UNC13A: variants seen among roughly 807,000 people sequenced by gnomAD.
UNC13A encodes the protein unc-13 homolog A.
Under a neutral mutation model 219.7 loss-of-function variants are expected in UNC13A, and 61 were observed. The ratio of observed to expected loss-of-function variants is 0.28; its 90% CI spans 0.23 to 0.34. The LOEUF is 0.34. Among genes scored for constraint, UNC13A ranks in the 10% least tolerant of loss-of-function variants. The pLI is 1.00. For missense variants in UNC13A, 1,476 were observed against 2,270.3 expected, an observed-to-expected ratio of 0.65 and a Z score of 7.11; for synonymous variants, 920 against 884.6, an observed-to-expected ratio of 1.04 and a Z score of -0.71.
intron 16 of UNC13A, among the ~76,000 whole-genome samples, chr19:17,647,923 AC>A (rs909944051): frequency 1.5e-4 from 16 of 108,362 alleles, no homozygotes; most frequent in African/African-American, 5.5e-4. Flanking sequence ...TCTGATCTCC[AC>A]CCCTGCGAGT....
intron 38 of UNC13A, 185 bp from the exon 39 acceptor site, chr19:17,619,147 CG>C (rs2076699844): frequency 6.5e-6 from 4 of 612,270 alleles, no homozygotes; most frequent in Non-Finnish European, 1.2e-5. Context: ...CTGAAAATCC[CG>C]GTCCTGTGAG....
intron 4 of UNC13A, 72 bp downstream of exon 4, chr19:17,672,306 G>T: frequency 8.2e-7 from 1 of 1,225,938 alleles, no homozygotes; most frequent in East Asian, 2.4e-5. Flanking sequence ...TGCCCATCTT[G>T]TTTAGTCCAC....
chr19:17,668,049 A>G, intron 6 of UNC13A, 68 bp downstream of exon 6: 2 of 1,512,760 alleles, frequency 1.3e-6, no homozygotes, highest in East Asian at 2.3e-5. Context: ...AGCATCTGTA[A>G]GTGAAAATCA....
intron 42 of UNC13A, 107 bp downstream of exon 42, chr19:17,611,656 C>T: frequency 9.6e-7 from 1 of 1,037,820 alleles, no homozygotes; most frequent in South Asian, 1.6e-5. Context: ...GTTTCCGTTT[C>T]ATGGACCATT....
At chr19:17,617,943 C>T (rs1032544902) in intron 40 of UNC13A, 94 bp from the exon 41 acceptor site, 1 of 1,484,462 alleles carries the variant, frequency 6.7e-7, no homozygotes, top group Non-Finnish European at 9.1e-7. Context: ...CCCAATTCTT[C>T]CCGCTACTAC....
At chr19:17,609,278 C>T (rs1021373971) in intron 43 of UNC13A, among the ~76,000 whole-genome samples, 4 of 152,030 alleles carry the variant, frequency 2.6e-5, no homozygotes, top group Admixed American at 6.6e-5. Flanking sequence ...CCAGAGCAGA[C>T]TTTTTTATGC....
Position 17,658,284 on chromosome 19 carries a change from C to T in UNC13A, c.560-15G>A, listed in dbSNP as rs767557834. 2 of 1,604,230 alleles carry T rather than the reference C, an allele frequency of 1.2e-6. No individual in the cohort carries two copies. Among genetic ancestry groups the T allele is most frequent in the Non-Finnish European group, 1.7e-6 (2 of 1,175,072 alleles). On this transcript the variant is annotated splice_polypyrimidine_tract_variant and intron_variant, in intron 8 of 43. Coordinates refer to ENST00000519716, the MANE Select transcript of UNC13A (RefSeq NM_001080421.3). ...GGGGTCATCGTCTGGAAGAGAGAGG[C>T]GGTATGGGAAGAGGGTGAGGAAGAG...
chr19:17,640,644 G>T lies in UNC13A; in HGVS notation c.2654C>A (p.Ser885Tyr), dbSNP rs2076958697. The change falls in exon 22 of 44, where the codon TCC becomes TAC. Residue 885 changes from serine (S) to tyrosine (Y), a missense_variant. Around this residue, in one of 14 missense-constraint regions of UNC13A, gnomAD observed 140 missense variants for 270.9 expected, o/e 0.52. Coordinates refer to ENST00000519716, the MANE Select transcript of UNC13A (RefSeq NM_001080421.3). Reference sequence around the variant, plus strand: ...CACCCCTGGGCACATATACTTGGAGGAGAGGCAGGCAAAGTGGCTGGAGAG... The same window carrying T: ...CACCCCTGGGCACATATACTTGGAGTAGAGGCAGGCAAAGTGGCTGGAGAG... ...YQAMTHFACL[S>Y]SKYMCPGVPA... The T allele has an allele frequency of 6.3e-7, 1 of 1,591,500 alleles. No homozygotes were observed. The highest frequency in any genetic ancestry group is 2.3e-5 in the East Asian group (1 of 44,060).
At chr19:17,655,196 G>T in intron 11 of UNC13A, 78 bp downstream of exon 11, 1 of 1,252,566 alleles carries the variant, frequency 8.0e-7, no homozygotes. Context: ...GTGTGGGTGT[G>T]GCCAAAACAT....
intron 1 of UNC13A, among the ~76,000 whole-genome samples, chr19:17,677,684 T>C (rs1280033428): frequency 2.0e-5 from 3 of 152,110 alleles, no homozygotes; most frequent in Non-Finnish European, 4.4e-5. Context: ...TTCCTCCCTC[T>C]TTTCTTCTCC....
At chr19:17,613,227 G>A (rs766321717) in intron 41 of UNC13A, among the ~76,000 whole-genome samples, 1 of 151,336 alleles carries the variant, frequency 6.6e-6, no homozygotes, top group Admixed American at 6.6e-5. Context: ...GAGAGACCCT[G>A]TCTCAAAAAA....
intron 1 of UNC13A, among the ~76,000 whole-genome samples, chr19:17,676,641 A>G (rs1023906432): frequency 6.6e-6 from 1 of 152,180 alleles, no homozygotes; most frequent in Admixed American, 6.5e-5. Flanking sequence ...TGCAATGTCA[A>G]ATGCTCCCAG....
intron 41 of UNC13A, 91 bp downstream of exon 41, chr19:17,617,611 A>T (rs2076680650): frequency 1.3e-6 from 2 of 1,548,940 alleles, no homozygotes; most frequent in Non-Finnish European, 8.8e-7. Context: ...CCATGACGTC[A>T]CAGGGGAGTG....
Position 17,651,619 on chromosome 19 carries a change from C to A in UNC13A, c.1439+1012G>T, listed in dbSNP as rs75526256. On this transcript the variant is annotated intron_variant, in intron 12 of 43. Coordinates refer to ENST00000519716, the MANE Select transcript of UNC13A (RefSeq NM_001080421.3). The stretch of plus-strand genomic sequence containing the variant: ...GCTATTCAACCTACAAAGCTTTCTG[C>A]AGGAGCCAACTGAGGCTTAGAGACT... 3.2e-3 allele frequency among the ~76,000 whole-genome samples: 493 copies of A among 152,312 alleles called. 1 individual carries two copies. Among genetic ancestry groups the A allele is most frequent in the African/African-American group, 0.012 (479 of 41,566 alleles).
rs981906424 is a variant in UNC13A, at chr19:17,674,258, C to T, written c.152+399G>A. 3.3e-5 allele frequency among the ~76,000 whole-genome samples: 5 copies of T among 152,052 alleles called. No homozygotes were observed. The highest frequency in any genetic ancestry group is 2.9e-5 in the Non-Finnish European group (2 of 68,014). ...GCTGGGGCAGGTGAGGGAGATAGAG[C>T]GAGAACCTGGTGGGAATCACGGGGA... On this transcript the variant is annotated intron_variant, in intron 3 of 43. Coordinates refer to ENST00000519716, the MANE Select transcript of UNC13A (RefSeq NM_001080421.3). This position sits in a 1 kb window ranked among gnomAD's most constrained non-coding sequence, Gnocchi z 5.0.
At position 17,632,877 on chromosome 19, in the gene UNC13A, G is replaced by A. The variant is rs369171031; in HGVS notation, c.3333C>T (p.Ala1111=). 3.9e-4 allele frequency: 624 copies of A among 1,613,814 alleles called. No individual in the cohort carries two copies. The highest frequency in any genetic ancestry group is 4.9e-4 in the Non-Finnish European group (574 of 1,179,900). ...CCTTGAAGTGGAGGTTCATGTAGTC[G>A]GCACTCTTGCATAGACGATGCTTGT... ...EHDKHRLCKS[A]DYMNLHFKVK... Residue 1111 remains alanine (A), a synonymous_variant, in exon 28 of 44, where the codon GCC becomes GCT. Coordinates refer to ENST00000519716, the MANE Select transcript of UNC13A (RefSeq NM_001080421.3).
chr19:17,676,414 T>G (rs2079899950), intron 1 of UNC13A, among the ~76,000 whole-genome samples: 1 of 151,956 alleles, frequency 6.6e-6, no homozygotes, highest in Non-Finnish European at 1.5e-5. Context: ...AGCTCCCAAC[T>G]AGCTGTGCCT....
At chr19:17,623,599 A>G (rs2076752879) in intron 35 of UNC13A, 52 bp from the exon 36 acceptor site, 5 of 1,020,628 alleles carry the variant, frequency 4.9e-6, no homozygotes, top group South Asian at 3.6e-5. Flanking sequence ...ATAAGGTACC[A>G]TGAGTCTCCC....
At chr19:17,657,793 T>C (rs1599387818) in intron 9 of UNC13A, among the ~76,000 whole-genome samples, 1 of 150,106 alleles carries the variant, frequency 6.7e-6, no homozygotes. Flanking sequence ...CGCTTGAGTC[T>C]GGGTGGTGGA....
Sources: gnomAD v4.1 joint callset for allele counts (sites outside exome capture counted in the v4.1 genomes callset) on GRCh38, gnomAD v4.1.1 for gene constraint, gnomAD v4.1.1 regional missense constraint, Gnocchi (gnomAD v3.1) non-coding constraint, MANE v1.5 for transcripts, NCBI Gene and HGNC (gene_info 2026-07-23, HGNC 2026-07-21) for gene names.